The following ANO6 variants were observed in gnomAD, a reference collection of about 807,000 sequenced individuals.
ANO6 encodes the protein anoctamin-6.
Under a neutral mutation model 117.5 loss-of-function variants are expected in ANO6, and 106 were observed. That is an observed-to-expected ratio of 0.90 (90% CI 0.77 to 1.06). The LOEUF (loss-of-function observed/expected upper bound fraction) is 1.06, where lower values mean the gene tolerates loss of function less well. Ranked by LOEUF, ANO6 falls within the 50% of genes least tolerant of loss-of-function variation. The probability of loss-of-function intolerance (pLI) is 0.00; values close to 1 mark genes in which losing one functional copy is unlikely to be tolerated. For missense variants in ANO6, 955 were observed against 1,121.1 expected, an observed-to-expected ratio of 0.85 and a Z score of 2.12; for synonymous variants, 367 against 385.1, an observed-to-expected ratio of 0.95 and a Z score of 0.55.
At chr12:45,398,713 A>AT (rs755992751) in intron 12 of ANO6, among the ~76,000 whole-genome samples, 14 of 152,182 alleles carry the variant, frequency 9.2e-5, no homozygotes, top group Non-Finnish European at 1.9e-4. Flanking sequence ...GGTCATGAAG[A>AT]TTTTTTAAGG....
downstream of ANO6, among the ~76,000 whole-genome samples, chr12:45,436,653 T>G (rs1426505898): frequency 1.3e-5 from 2 of 152,178 alleles, no homozygotes. Context: ...AAATGAATGT[T>G]TAATATAAAA....
intron 1 of ANO6, among the ~76,000 whole-genome samples, chr12:45,237,681 G>T (rs1450263295): frequency 2.6e-5 from 4 of 152,132 alleles, no homozygotes; most frequent in Non-Finnish European, 5.9e-5. Flanking sequence ...TTGTTCTTTT[G>T]GCTTAGGATT....
chr12:45,409,904 C>A (rs1402909640), intron 16 of ANO6, among the ~76,000 whole-genome samples: 4 of 152,094 alleles, frequency 2.6e-5, no homozygotes, highest in African/African-American at 9.7e-5. Context: ...TACAGGCATG[C>A]GCCACCACAC....
chr12:45,339,086 C>A (rs1940906775), intron 3 of ANO6, among the ~76,000 whole-genome samples: 1 of 152,096 alleles, frequency 6.6e-6, no homozygotes, highest in Non-Finnish European at 1.5e-5. Flanking sequence ...ACCAAATTCT[C>A]TCATAAAACA....
intron 3 of ANO6, among the ~76,000 whole-genome samples, chr12:45,345,064 C>T (rs888156590): frequency 1.3e-5 from 2 of 152,142 alleles, no homozygotes; most frequent in Admixed American, 1.3e-4. Flanking sequence ...GGAAGTTATA[C>T]CACTTGCTGG....
At chr12:45,376,699 T>A (rs1942030608) in intron 9 of ANO6, among the ~76,000 whole-genome samples, 1 of 117,140 alleles carries the variant, frequency 8.5e-6, no homozygotes. Flanking sequence ...CTGGGGACTG[T>A]TGTGGGATGG....
intron 9 of ANO6, among the ~76,000 whole-genome samples, chr12:45,371,169 G>C (rs550282020): frequency 2.6e-5 from 4 of 152,192 alleles, no homozygotes; most frequent in African/African-American, 9.7e-5. Context: ...AAAAAACGGC[G>C]CACCACAAGA....
intron 1 of ANO6, among the ~76,000 whole-genome samples, chr12:45,258,249 G>A (rs1937904968): frequency 6.6e-6 from 1 of 152,144 alleles, no homozygotes; most frequent in Non-Finnish European, 1.5e-5. Flanking sequence ...CCTGATGCTA[G>A]TAAATACTTA....
At chr12:45,381,393 A>T (rs1942164698) in intron 10 of ANO6, among the ~76,000 whole-genome samples, 1 of 152,180 alleles carries the variant, frequency 6.6e-6, no homozygotes, top group Non-Finnish European at 1.5e-5. Flanking sequence ...CTGAAGTTCT[A>T]TCAGTTGTCT....
chr12:45,258,936 A>G (rs1174373146), intron 1 of ANO6, among the ~76,000 whole-genome samples: 1 of 152,212 alleles, frequency 6.6e-6, no homozygotes, highest in Non-Finnish European at 1.5e-5. Context: ...TAAATATTGT[A>G]GGATCTCTGA....
At chr12:45,281,377 G>T (rs1272267718) in intron 1 of ANO6, among the ~76,000 whole-genome samples, 1 of 152,112 alleles carries the variant, frequency 6.6e-6, no homozygotes. Flanking sequence ...CTGTGACTGG[G>T]TAATTTATAA....
intron 1 of ANO6, among the ~76,000 whole-genome samples, chr12:45,248,975 C>T (rs1947864383): frequency 6.6e-6 from 1 of 152,200 alleles, no homozygotes; most frequent in Admixed American, 6.5e-5. Flanking sequence ...GAAGCTGCTT[C>T]CTGAGTCAGG....
intron 12 of ANO6, among the ~76,000 whole-genome samples, chr12:45,398,108 T>G (rs1942677762): frequency 6.6e-6 from 1 of 152,202 alleles, no homozygotes; most frequent in Admixed American, 6.5e-5. Flanking sequence ...AAAAGTATCC[T>G]AAATGTAAAC....
intron 1 of ANO6, chr12:45,228,128 T>G (rs1167316851): frequency 4.8e-5 from 14 of 293,412 alleles, no homozygotes; most frequent in East Asian, 2.7e-4. Flanking sequence ...GTGTTGTTTT[T>G]TTTTTTTTTT....
intron 17 of ANO6, 97 bp from the exon 18 acceptor site, chr12:45,420,974 G>A (rs982209246): frequency 3.7e-6 from 5 of 1,344,762 alleles, no homozygotes; most frequent in Non-Finnish European, 3.2e-6. Context: ...GCAGTGAGCC[G>A]AGATCGTGCC....
intron 12 of ANO6, among the ~76,000 whole-genome samples, chr12:45,396,398 G>A (rs142171696): frequency 5.9e-5 from 9 of 152,270 alleles, no homozygotes; most frequent in East Asian, 3.9e-4. Flanking sequence ...AATCAATATC[G>A]TGAAAATGGC....
intron 2 of ANO6, among the ~76,000 whole-genome samples, chr12:45,327,328 C>A (rs916646573): frequency 6.6e-6 from 1 of 152,118 alleles, no homozygotes; most frequent in Non-Finnish European, 1.5e-5. Flanking sequence ...AGCACTCATA[C>A]CCTCTGGTGG....
chr12:45,228,205 C>T (rs1324749284), intron 1 of ANO6: 2 of 443,476 alleles, frequency 4.5e-6, no homozygotes, highest in Admixed American at 2.4e-5. Flanking sequence ...AATCATGGCT[C>T]ACTGTAGCAT....
At chr12:45,301,027 C>T (rs181263792) in intron 1 of ANO6, among the ~76,000 whole-genome samples, 1 of 152,260 alleles carries the variant, frequency 6.6e-6, no homozygotes, top group Non-Finnish European at 1.5e-5. Flanking sequence ...ATATGGTAGC[C>T]ACTAGTCACA....
Sources: gnomAD v4.1 joint callset for allele counts (sites outside exome capture counted in the v4.1 genomes callset) on GRCh38, gnomAD v4.1.1 for gene constraint, MANE v1.5 for transcripts, NCBI Gene and HGNC (gene_info 2026-07-23, HGNC 2026-07-21) for gene names.